Variants in RIT2 observed in about 807,000 individuals in gnomAD.
RIT2 encodes Ras like without CAAX 2.
Under a neutral mutation model 23.7 loss-of-function variants are expected in RIT2, and 24 were observed. That is an observed-to-expected ratio of 1.01 (90% CI 0.73 to 1.43). RIT2 has a LOEUF of 1.43. Ranked by LOEUF, RIT2 falls within the 40% of genes most tolerant of loss-of-function variation. The pLI, the probability that RIT2 is intolerant of heterozygous loss-of-function variation, is 0.00. For missense variants in RIT2, 236 were observed against 266.9 expected (o/e 0.88, Z 0.81); for synonymous variants, 107 against 91.1 (o/e 1.17, Z -0.99).
intron 4 of RIT2, among the ~76,000 whole-genome samples, chr18:42,881,374 A>G (rs1907890785): frequency 6.6e-6 from 1 of 152,028 alleles, no homozygotes; most frequent in Non-Finnish European, 1.5e-5. Context: ...TACCCCTTCA[A>G]TCGATTCTTT....
intron 2 of RIT2, among the ~76,000 whole-genome samples, chr18:43,002,374 C>G (rs1482809161): frequency 6.6e-6 from 1 of 151,936 alleles, no homozygotes; most frequent in African/African-American, 2.4e-5. Flanking sequence ...TCCACTGACT[C>G]TAATGTTAAT....
chr18:42,941,990 G>C (rs1215437299), intron 3 of RIT2, among the ~76,000 whole-genome samples: 3 of 151,906 alleles, frequency 2.0e-5, no homozygotes, highest in Non-Finnish European at 4.4e-5. Flanking sequence ...TTCCATTATA[G>C]CAGTTTATGC....
At chr18:43,074,411 A>C (rs1323947350) in intron 1 of RIT2, among the ~76,000 whole-genome samples, 1 of 152,146 alleles carries the variant, frequency 6.6e-6, no homozygotes, top group Non-Finnish European at 1.5e-5. Context: ...TTTCCAACTA[A>C]TAATTCCCAT....
intron 1 of RIT2, among the ~76,000 whole-genome samples, chr18:43,065,268 C>T (rs1329830602): frequency 7.4e-6 from 1 of 135,108 alleles, no homozygotes; most frequent in Non-Finnish European, 1.5e-5. Context: ...AATCTGTTGC[C>T]CAGGTTGGAG....
chr18:43,089,501 C>T (rs938571831), intron 1 of RIT2, among the ~76,000 whole-genome samples: 1 of 151,228 alleles, frequency 6.6e-6, no homozygotes, highest in Admixed American at 6.6e-5. Flanking sequence ...ACCACTCTGC[C>T]CAAGACAATT....
At chr18:42,871,244 T>C (rs548810168) in intron 4 of RIT2, among the ~76,000 whole-genome samples, 1 of 152,332 alleles carries the variant, frequency 6.6e-6, no homozygotes, top group South Asian at 2.1e-4. Flanking sequence ...TTTTCTAATA[T>C]TTCTTTGTCT....
rs117646550 is a variant in RIT2 at position 42,752,758 on chromosome 18, G to A, written c.427-9038C>T. ...ATAAATGCAGAAACACACCAGGGGT[G>A]GGGGTGGGGAAGAAATGTTGCAGGG... On this transcript the variant is annotated intron_variant, in intron 4 of 4. Coordinates refer to ENST00000326695, the MANE Select transcript of RIT2 (RefSeq NM_002930.4). Among the ~76,000 whole-genome samples the A allele has an allele frequency of 6.9e-3, 1,053 of 152,206 alleles. 11 individuals are homozygous for A. Among genetic ancestry groups the A allele is most frequent in the African/African-American group, 0.023 (973 of 41,522 alleles).
At chr18:42,882,336 G>A (rs1907916366) in intron 4 of RIT2, among the ~76,000 whole-genome samples, 1 of 152,108 alleles carries the variant, frequency 6.6e-6, no homozygotes, top group Non-Finnish European at 1.5e-5. Context: ...TACATATTTG[G>A]AGGCTGACAA....
chr18:42,953,350 A>G (rs1909898111), intron 3 of RIT2, among the ~76,000 whole-genome samples: 1 of 152,166 alleles, frequency 6.6e-6, no homozygotes, highest in African/African-American at 2.4e-5. Context: ...CCAAGAATCA[A>G]TGATTAGAAA....
intron 2 of RIT2, among the ~76,000 whole-genome samples, chr18:43,024,943 C>G (rs1208862647): frequency 6.6e-6 from 1 of 152,012 alleles, no homozygotes; most frequent in Non-Finnish European, 1.5e-5. Context: ...TGCGGTGGCT[C>G]ATACCTGTAA....
At chr18:42,976,085 C>CGT (rs1358766650) in intron 2 of RIT2, among the ~76,000 whole-genome samples, 1 of 151,906 alleles carries the variant, frequency 6.6e-6, no homozygotes, top group African/African-American at 2.4e-5. Context: ...TAAATCTTTC[C>CGT]GTTTTCTTTC....
chr18:42,874,511 T>TA (rs1410860263), intron 4 of RIT2, among the ~76,000 whole-genome samples: 5 of 152,258 alleles, frequency 3.3e-5, no homozygotes, highest in South Asian at 2.1e-4. Context: ...GTCTTTAGAT[T>TA]AGAAAATAAA....
At chr18:43,041,577 G>T (rs1181961849) in intron 1 of RIT2, among the ~76,000 whole-genome samples, 1 of 152,014 alleles carries the variant, frequency 6.6e-6, no homozygotes, top group African/African-American at 2.4e-5. Context: ...ATAAATAATG[G>T]CCAAATGCAT....
chr18:42,814,630 C>A (rs1018572416), intron 4 of RIT2, among the ~76,000 whole-genome samples: 1 of 152,150 alleles, frequency 6.6e-6, no homozygotes, highest in African/African-American at 2.4e-5. Flanking sequence ...TCCTCTCTAC[C>A]CACCATGGTA....
chr18:43,066,942 T>C (rs1278922296), intron 1 of RIT2, among the ~76,000 whole-genome samples: 5 of 150,436 alleles, frequency 3.3e-5, no homozygotes, highest in Admixed American at 6.7e-5. Context: ...TTGTAGTAAA[T>C]TGATGTTAAG....
intron 1 of RIT2, among the ~76,000 whole-genome samples, chr18:43,107,749 A>G (rs1913858349): frequency 6.6e-6 from 1 of 152,182 alleles, no homozygotes; most frequent in African/African-American, 2.4e-5. Context: ...GTTTAGTCAG[A>G]GCTCCTCATG....
intron 4 of RIT2, among the ~76,000 whole-genome samples, chr18:42,814,705 A>T (rs893218733): frequency 6.6e-6 from 1 of 152,132 alleles, no homozygotes; most frequent in African/African-American, 2.4e-5. Context: ...GTTCCTCCCC[A>T]TACTACCACA....
intron 4 of RIT2, among the ~76,000 whole-genome samples, chr18:42,903,644 A>G (rs893479654): frequency 6.6e-6 from 1 of 152,038 alleles, no homozygotes; most frequent in South Asian, 2.1e-4. Flanking sequence ...CCACTACCCA[A>G]TCCATCCCCA....
chr18:42,976,667 TA>T (rs1412822250), intron 2 of RIT2, among the ~76,000 whole-genome samples: 1 of 151,976 alleles, frequency 6.6e-6, no homozygotes, highest in Non-Finnish European at 1.5e-5. Flanking sequence ...GTCTTGCATG[TA>T]AAAAAACTAA....
Sources: gnomAD v4.1 joint callset for allele counts (sites outside exome capture counted in the v4.1 genomes callset) on GRCh38, gnomAD v4.1.1 for gene constraint, MANE v1.5 for transcripts, NCBI Gene and HGNC (gene_info 2026-07-23, HGNC 2026-07-21) for gene names.